Variants in C1QTNF3 observed in about 807,000 individuals in gnomAD.
C1QTNF3 encodes C1q and TNF related 3.
In C1QTNF3, 26 loss-of-function variants were observed where a neutral mutation model predicts 32.6. The observed-to-expected ratio is 0.80, with a 90% CI of 0.58 to 1.11. The LOEUF (loss-of-function observed/expected upper bound fraction) is 1.11. Among genes scored for constraint, C1QTNF3 ranks in the 50% least tolerant of loss-of-function variants. The pLI is 0.00. For synonymous variants in C1QTNF3, 155 were observed against 146.0 expected (o/e 1.06, Z -0.44); for missense variants, 362 against 398.2 (o/e 0.91, Z 0.77).
chr5:34,052,801 G>A, the C1QTNF3 span, among the ~76,000 whole-genome samples: 12 of 152,328 alleles, frequency 7.9e-5, no homozygotes, highest in African/African-American at 2.9e-4. Flanking sequence ...CATCAAGTCT[G>A]CATAAATTGT....
chr5:34,219,887 G>C, the C1QTNF3 span: 1 of 152,076 alleles, frequency 6.6e-6, no homozygotes, highest in Non-Finnish European at 1.5e-5. Context: ...TAATAAACAA[G>C]AAGGAACTAA....
chr5:34,238,630 T>C, the C1QTNF3 span, among the ~76,000 whole-genome samples: 1 of 151,768 alleles, frequency 6.6e-6, no homozygotes, highest in African/African-American at 2.4e-5. Context: ...TTAAGAAATA[T>C]GGAATTATAT....
chr5:34,103,949 G>C, the C1QTNF3 span, among the ~76,000 whole-genome samples: 1 of 151,486 alleles, frequency 6.6e-6, no homozygotes, highest in African/African-American at 2.4e-5. Context: ...TCTATTAAAA[G>C]CTTATTGACT....
chr5:34,213,809 A>ATATATATATAT, the C1QTNF3 span, among the ~76,000 whole-genome samples: 10 of 4,924 alleles, frequency 2.0e-3, no homozygotes, highest in Non-Finnish European at 2.1e-3. Context: ...ATATATATAT[A>ATATATATATAT]TTTTTTTTTT....
chr5:34,064,858 T>G, the C1QTNF3 span, among the ~76,000 whole-genome samples: 1 of 152,202 alleles, frequency 6.6e-6, no homozygotes, highest in Non-Finnish European at 1.5e-5. Flanking sequence ...TGAGGCCATC[T>G]ACATTGCGGT....
chr5:34,046,639 T>C (rs974897195), upstream of C1QTNF3, among the ~76,000 whole-genome samples: 4 of 152,198 alleles, frequency 2.6e-5, no homozygotes, highest in African/African-American at 9.7e-5. Context: ...ACGTTGAGAC[T>C]CCAAAACTGT....
the C1QTNF3 span, among the ~76,000 whole-genome samples, chr5:34,242,463 G>T: frequency 6.6e-6 from 1 of 152,222 alleles, no homozygotes; most frequent in Admixed American, 6.5e-5. Flanking sequence ...GCCATAAGCA[G>T]AAGAGTGAAA....
the C1QTNF3 span, among the ~76,000 whole-genome samples, chr5:34,059,082 T>A: frequency 2.0e-5 from 3 of 152,200 alleles, no homozygotes; most frequent in East Asian, 5.8e-4. Context: ...AACAATTGTA[T>A]TCATTTACTA....
the C1QTNF3 span, among the ~76,000 whole-genome samples, chr5:34,064,085 C>T: frequency 6.6e-6 from 1 of 152,130 alleles, no homozygotes; most frequent in Non-Finnish European, 1.5e-5. Flanking sequence ...CCAATGCTCG[C>T]AACCCAGAAG....
At chr5:34,202,772 A>G in the C1QTNF3 span, among the ~76,000 whole-genome samples, 2 of 152,186 alleles carry the variant, frequency 1.3e-5, no homozygotes, top group Non-Finnish European at 2.9e-5. Context: ...ATACTTTGGG[A>G]AGCATTGCAG....
the C1QTNF3 span, among the ~76,000 whole-genome samples, chr5:34,088,471 ATATTT>A: frequency 6.6e-6 from 1 of 152,104 alleles, no homozygotes; most frequent in Middle Eastern, 3.4e-3. Flanking sequence ...AATAGTATCT[ATATTT>A]TATTTTCTAT....
chr5:34,112,872 C>T, the C1QTNF3 span, among the ~76,000 whole-genome samples: 6 of 151,918 alleles, frequency 3.9e-5, no homozygotes, highest in Admixed American at 1.3e-4. Flanking sequence ...GTCTTTTGGC[C>T]CTTTTCTTTC....
the C1QTNF3 span, among the ~76,000 whole-genome samples, chr5:34,098,489 T>C: frequency 6.6e-6 from 1 of 152,146 alleles, no homozygotes; most frequent in African/African-American, 2.4e-5. Context: ...AACAGGCTTT[T>C]ATGTCACCAG....
chr5:34,181,824 A>G, the C1QTNF3 span, among the ~76,000 whole-genome samples: 75,696 of 149,664 alleles, frequency 0.51, 21,019 homozygotes, highest in Non-Finnish European at 0.64. Flanking sequence ...CTGGGCCTGC[A>G]GAGAAGCAGC....
At chr5:34,026,600 A>G (rs1003831962) in intron 4 of C1QTNF3, among the ~76,000 whole-genome samples, 1 of 152,112 alleles carries the variant, frequency 6.6e-6, no homozygotes, top group African/African-American at 2.4e-5. Flanking sequence ...TGTGACCAAG[A>G]AAAACGCACA....
rs537008480 is a variant in C1QTNF3 at position 34,023,801 on chromosome 5, G to A, written c.800+108C>T. ...TGCATGAGGGCTCTTATTAAGGATA[G>A]GGGCCATGTCAGGCTCTATTGACTC... is the stretch of plus-strand genomic sequence containing the variant. On this transcript the variant is annotated intron_variant, in intron 5 of 5. Coordinates refer to ENST00000382065, the MANE Select transcript of C1QTNF3 (RefSeq NM_181435.6). 88 of 723,000 alleles carry A rather than the reference G, an allele frequency of 1.2e-4. No homozygotes were observed. The Middle Eastern group carries it at 2.0e-3, about 16-fold the overall frequency. 44.8% of individuals were successfully genotyped at this position (723,000 alleles called of 1,614,324 possible).
the C1QTNF3 span, among the ~76,000 whole-genome samples, chr5:34,204,305 T>C: frequency 6.6e-6 from 1 of 152,252 alleles, no homozygotes; most frequent in African/African-American, 2.4e-5. Flanking sequence ...AAAAGGTATC[T>C]GCACCCATAT....
At chr5:34,177,967 T>C in the C1QTNF3 span, among the ~76,000 whole-genome samples, 1 of 151,942 alleles carries the variant, frequency 6.6e-6, no homozygotes, top group Non-Finnish European at 1.5e-5. Flanking sequence ...CTCGAGTTTC[T>C]TAAGAATTCA....
chr5:34,072,513 G>C, the C1QTNF3 span, among the ~76,000 whole-genome samples: 2 of 152,210 alleles, frequency 1.3e-5, no homozygotes, highest in East Asian at 1.9e-4. Flanking sequence ...AGGAAAAGTG[G>C]AACAGGTAAG....
Sources: gnomAD v4.1 joint callset for allele counts (sites outside exome capture counted in the v4.1 genomes callset) on GRCh38, gnomAD v4.1.1 for gene constraint, MANE v1.5 for transcripts, NCBI Gene and HGNC (gene_info 2026-07-23, HGNC 2026-07-21) for gene names.